The following ACSM6 variants were observed in gnomAD, a reference collection of about 807,000 sequenced individuals.
ACSM6 encodes acyl-CoA synthetase medium chain family member 6.
In ACSM6, 35 loss-of-function variants were observed where a neutral mutation model predicts 51.1. The observed-to-expected ratio is 0.69, with a 90% CI of 0.52 to 0.91. The LOEUF is 0.91. ACSM6 is among the 40% of genes least tolerant of loss of function. The pLI, the probability that ACSM6 is intolerant of heterozygous loss-of-function variation, is 0.00. For missense variants in ACSM6, 509 were observed against 584.1 expected (o/e 0.87, Z 1.32); for synonymous variants, 172 against 207.3 (o/e 0.83, Z 1.46).
chr10:95,208,932 T>TAAAAAAAA (rs1250215796), intron 4 of ACSM6, among the ~76,000 whole-genome samples: 1 of 9,008 alleles, frequency 1.1e-4, no homozygotes, highest in South Asian at 3.6e-3. Context: ...CCAGGGATGT[T>TAAAAAAAA]TAAAAAAAAA....
At chr10:95,211,733 C>A in intron 5 of ACSM6, 145 bp from the exon 6 acceptor site, 1 of 827,498 alleles carries the variant, frequency 1.2e-6, no homozygotes, top group Non-Finnish European at 1.8e-6. Flanking sequence ...CCATTGGCCT[C>A]ATGACCTCAT....
chr10:95,196,506 T>C (rs1264561200), intron 2 of ACSM6, among the ~76,000 whole-genome samples: 1 of 152,214 alleles, frequency 6.6e-6, no homozygotes, highest in Non-Finnish European at 1.5e-5. Context: ...AAAATACTGG[T>C]AAACATGAAA....
chr10:95,221,824 T>C (rs1404505437), intron 9 of ACSM6, among the ~76,000 whole-genome samples: 1 of 152,150 alleles, frequency 6.6e-6, no homozygotes, highest in Non-Finnish European at 1.5e-5. Context: ...AAAGATGACA[T>C]GATAATCTCA....
chr10:95,223,861 T>C (rs971216026), intron 9 of ACSM6, among the ~76,000 whole-genome samples: 32 of 152,004 alleles, frequency 2.1e-4, no homozygotes, highest in Non-Finnish European at 4.6e-4. Flanking sequence ...AATAAAACTA[T>C]CTCTATTCAA....
At chr10:95,202,009 G>A (rs541264186) in exon 3 of ACSM6, 95 of 1,551,654 alleles carry the variant, frequency 6.1e-5, no homozygotes, top group East Asian at 3.2e-4. Flanking sequence ...GCCTTACCCC[G>A]CCCTCTGGAA....
At chr10:95,217,819 C>T (rs1275048263) in intron 8 of ACSM6, among the ~76,000 whole-genome samples, 1 of 152,162 alleles carries the variant, frequency 6.6e-6, no homozygotes, top group East Asian at 1.9e-4. Context: ...ACTTAGAAAG[C>T]TAAAGAAAAT....
chr10:95,211,396 T>A (rs1289019146), intron 5 of ACSM6, among the ~76,000 whole-genome samples: 2 of 152,240 alleles, frequency 1.3e-5, no homozygotes, highest in Non-Finnish European at 2.9e-5. Context: ...CAATCCTGCC[T>A]TAGACAAATG....
intron 9 of ACSM6, among the ~76,000 whole-genome samples, chr10:95,220,325 C>A (rs2034985075): frequency 6.6e-6 from 1 of 152,118 alleles, no homozygotes; most frequent in Non-Finnish European, 1.5e-5. Flanking sequence ...TGTACTTGAA[C>A]TAAAAATATA....
chr10:95,194,672 G>A, exon 2 of ACSM6: 1 of 1,551,508 alleles, frequency 6.4e-7, no homozygotes, highest in South Asian at 1.2e-5. Flanking sequence ...GTCCCAGCTG[G>A]AAAAGGTAAA....
intron 6 of ACSM6, 124 bp downstream of exon 6, chr10:95,212,158 T>A: frequency 4.3e-6 from 5 of 1,162,678 alleles, no homozygotes; most frequent in Non-Finnish European, 6.2e-6. Flanking sequence ...TGATCTTGAC[T>A]TGAAGATGCT....
intron 4 of ACSM6, 42 bp downstream of exon 4, chr10:95,207,457 GTTTGAC>G (rs1204433075): frequency 1.3e-6 from 2 of 1,582,478 alleles, no homozygotes; most frequent in Non-Finnish European, 1.7e-6. Flanking sequence ...TGAAGGAAAT[GTTTGAC>G]TTTGAAAGAT....
chr10:95,209,990 G>A (rs369729160), intron 4 of ACSM6, among the ~76,000 whole-genome samples: 34 of 152,186 alleles, frequency 2.2e-4, no homozygotes, highest in South Asian at 1.5e-3. Context: ...TCTTGAAGCC[G>A]GCCTGAATCC....
intron 5 of ACSM6, 49 bp from the exon 6 acceptor site, chr10:95,211,829 G>C: frequency 6.5e-7 from 1 of 1,528,552 alleles, no homozygotes. Context: ...TATTGTTGTT[G>C]CTAGTACCAG....
intron 2 of ACSM6, among the ~76,000 whole-genome samples, chr10:95,198,137 C>A (rs1185162161): frequency 1.3e-5 from 2 of 152,148 alleles, no homozygotes; most frequent in Non-Finnish European, 2.9e-5. Flanking sequence ...GTCTAAAGTA[C>A]AGGTCTTTTC....
chr10:95,210,927 A>C, intron 5 of ACSM6, 134 bp downstream of exon 5: 1 of 1,064,864 alleles, frequency 9.4e-7, no homozygotes, highest in African/African-American at 1.6e-5. Context: ...GAGAAGGAAC[A>C]GGGCTGAGGG....
intron 4 of ACSM6, among the ~76,000 whole-genome samples, chr10:95,208,469 G>C (rs549314781): frequency 1.2e-4 from 19 of 152,188 alleles, no homozygotes; most frequent in African/African-American, 4.6e-4. Context: ...TTCCCCTTAA[G>C]TTTATACAAA....
chr10:95,226,015 A>G (rs1458029767), intron 10 of ACSM6: 1 of 152,144 alleles, frequency 6.6e-6, no homozygotes, highest in East Asian at 1.9e-4. Context: ...TCTCAAGACT[A>G]TTATGTAGAT....
intron 2 of ACSM6, among the ~76,000 whole-genome samples, chr10:95,200,282 G>A (rs1433776437): frequency 6.9e-6 from 1 of 145,400 alleles, no homozygotes; most frequent in Admixed American, 7.2e-5. Context: ...TCACTCATAG[G>A]TGGGAATTGA....
At chr10:95,195,375 T>C (rs1399314201) in intron 2 of ACSM6, among the ~76,000 whole-genome samples, 1 of 152,048 alleles carries the variant, frequency 6.6e-6, no homozygotes, top group Admixed American at 6.5e-5. Context: ...ACCACATGAA[T>C]AGAGACATCA....
Sources: gnomAD v4.1 joint callset for allele counts (sites outside exome capture counted in the v4.1 genomes callset) on GRCh38, gnomAD v4.1.1 for gene constraint, MANE v1.5 for transcripts, NCBI Gene and HGNC (gene_info 2026-07-23, HGNC 2026-07-21) for gene names.